Variants in HSPH1 observed in about 807,000 individuals in gnomAD.
The protein encoded by HSPH1 is heat shock protein family H (Hsp110) member 1, also known as heat shock protein 105 kDa.
A neutral mutation model predicts 100.0 loss-of-function variants in HSPH1; 40 were observed. That is an observed-to-expected ratio of 0.40 (90% CI 0.31 to 0.52). The LOEUF is 0.52. Among genes scored for constraint, HSPH1 ranks in the 20% least tolerant of loss-of-function variants. The probability of loss-of-function intolerance (pLI) is 0.54; values close to 1 mark genes in which losing one functional copy is unlikely to be tolerated. For synonymous variants in HSPH1, 403 were observed against 344.0 expected (o/e 1.17, Z -1.90); for missense variants, 876 against 1,015.1 (o/e 0.86, Z 1.86).
At position 31,154,693 on chromosome 13, in the gene HSPH1, A is replaced by G; in HGVS notation, c.369T>C (p.Thr123=). ...TGTTTTCAGCAGTTTCCTTCAGCTTAGTCAACAACATGGCTGTTATCTGCT... is the reference window on the plus strand; with the variant it reads ...TGTTTTCAGCAGTTTCCTTCAGCTTGGTCAACAACATGGCTGTTATCTGCT... The part of the protein sequence containing the change: ...SVEQITAMLL[T]KLKETAENSL... Residue 123 remains threonine (T), a synonymous_variant, in exon 4 of 18, where the codon ACT becomes ACC. Coordinates refer to ENST00000320027, the MANE Select transcript of HSPH1 (RefSeq NM_006644.4). 6.2e-7 allele frequency: 1 copy of G among 1,613,886 alleles called. No individual in the cohort carries two copies. Among genetic ancestry groups the G allele is most frequent in the Non-Finnish European group, 8.5e-7 (1 of 1,179,744 alleles).
In HSPH1 at chr13:31,150,734, C is replaced by A. The variant is rs561899321; in HGVS notation, c.908+213G>T. ...AAGACTTGAGGGTAGTACTTAGACC[C>A]ATGAGAGTACTTAGCAAAGGTATTT... On this transcript the variant is annotated intron_variant, in intron 7 of 17. Transcript: ENST00000320027. Among the ~76,000 whole-genome samples, 5 of 152,274 alleles carry A rather than the reference C, an allele frequency of 3.3e-5. No individual in the cohort carries two copies. The South Asian group carries it at 1.0e-3, about 32-fold the overall frequency.
chr13:31,140,263 G>T lies in HSPH1; in HGVS notation c.1901C>A (p.Ala634Asp). ...QDKLEKERND[A>D]KNAVEEYVYE... ...CACATATTCCTCAACTGCATTTTTA[G>T]CATCATTCCTTTCTTTTTCCAATTT... is the stretch of plus-strand genomic sequence containing the variant. The change falls in exon 14 of 18, where the codon GCT becomes GAT. Residue 634 changes from alanine to aspartate, a missense_variant. By Grantham distance (126) the Ala-to-Asp change is moderately radical. Coordinates refer to ENST00000320027, the MANE Select transcript of HSPH1 (RefSeq NM_006644.4). 6.2e-7 allele frequency: 1 copy of T among 1,610,846 alleles called. No individual in the cohort carries two copies. Among genetic ancestry groups the T allele is most frequent in the Non-Finnish European group, 8.5e-7 (1 of 1,178,160 alleles).
At chr13:31,152,748 C>CTT (rs1188404919) in intron 5 of HSPH1, 104 bp downstream of exon 5, 1 of 776,860 alleles carries the variant, frequency 1.3e-6, no homozygotes, top group African/African-American at 1.8e-5. Flanking sequence ...TCTGACTTGA[C>CTT]TTTTTAACAG....
intron 12 of HSPH1, among the ~76,000 whole-genome samples, chr13:31,142,741 A>T (rs1956140556): frequency 6.6e-6 from 1 of 152,120 alleles, no homozygotes; most frequent in Non-Finnish European, 1.5e-5. Context: ...ACAACTAAGG[A>T]GCATGAATGA....
At position 31,154,588 on chromosome 13, in the gene HSPH1, C is replaced by T. The variant is rs376512156; in HGVS notation, c.429+45G>A. ...TCATACTTAAAAGTAATACAAAGAA[C>T]GCAAAAATGAAATAAAACACACTGC... is the stretch of plus-strand genomic sequence containing the variant. On this transcript the variant is annotated intron_variant, in intron 4 of 17. Coordinates refer to ENST00000320027, the MANE Select transcript of HSPH1 (RefSeq NM_006644.4). The T allele has an allele frequency of 4.2e-5, 67 of 1,609,858 alleles. 1 individual carries two copies. Among genetic ancestry groups the T allele is most frequent in the South Asian group, 1.1e-4 (10 of 91,004 alleles).
chr13:31,138,988 A>G lies in HSPH1; in HGVS notation c.2088+12T>C. The G allele has an allele frequency of 6.2e-7, 1 of 1,602,874 alleles. No individual in the cohort carries two copies. Among genetic ancestry groups the G allele is most frequent in the Non-Finnish European group, 8.5e-7 (1 of 1,170,402 alleles). ...ACACAAGTACCACCTTTTGGGGGAGAAAACGACCTACCATTAATTCTTCCA... is the reference window on the plus strand; with the variant it reads ...ACACAAGTACCACCTTTTGGGGGAGGAAACGACCTACCATTAATTCTTCCA... On this transcript the variant is annotated intron_variant, in intron 15 of 17. Transcript: ENST00000320027.
At chr13:31,139,613 G>A (rs1352837692) in intron 14 of HSPH1, among the ~76,000 whole-genome samples, 3 of 152,070 alleles carry the variant, frequency 2.0e-5, no homozygotes, top group Admixed American at 6.6e-5. Context: ...AGAGACCTTA[G>A]AACTATTAAT....
intron 10 of HSPH1, among the ~76,000 whole-genome samples, chr13:31,146,810 G>T (rs1289896956): frequency 2.0e-5 from 3 of 152,180 alleles, no homozygotes; most frequent in Non-Finnish European, 4.4e-5. Context: ...ATAGCCACAA[G>T]TAAGTACTGT....
In HSPH1 at chr13:31,136,812, C is replaced by A. The variant is rs1328210603; in HGVS notation, c.*506G>T. ...ACATTTGACTAGCTTTTGTTTTACT[C>A]ATTGAATTTTTAATATCAAAGCAAA... On this transcript the variant is annotated 3_prime_UTR_variant, in exon 18 of 18. Transcript: ENST00000320027. The A allele has an allele frequency of 5.2e-6, 1 of 192,128 alleles. No individual in the cohort carries two copies. Among genetic ancestry groups the A allele is most frequent in the Non-Finnish European group, 1.1e-5 (1 of 91,480 alleles). The allele number at this position is 192,128 out of a possible 1,614,324, so 11.9% of individuals were successfully genotyped here. A position where few individuals can be genotyped will look rare whatever the true frequency, so the allele number is the denominator to read the frequency against.
chr13:31,154,401 T>C (rs965391183), intron 4 of HSPH1: 5 of 564,594 alleles, frequency 8.9e-6, no homozygotes, highest in Non-Finnish European at 1.3e-5. Flanking sequence ...AAAATCTGTA[T>C]TTTCAAAAAG....
intron 12 of HSPH1, among the ~76,000 whole-genome samples, chr13:31,141,828 ACATT>A (rs1956107217): frequency 6.6e-6 from 1 of 151,672 alleles, no homozygotes; most frequent in Admixed American, 6.6e-5. Flanking sequence ...ACACACACAC[ACATT>A]ATTACTATCC....
intron 1 of HSPH1, among the ~76,000 whole-genome samples, chr13:31,161,061 C>T (rs1956885369): frequency 6.6e-6 from 1 of 152,190 alleles, no homozygotes; most frequent in African/African-American, 2.4e-5. Flanking sequence ...AAGCTGGAGG[C>T]GGCTCAGCCA....
intron 12 of HSPH1, among the ~76,000 whole-genome samples, chr13:31,141,721 C>T (rs1319308929): frequency 2.6e-5 from 4 of 151,822 alleles, no homozygotes; most frequent in South Asian, 4.1e-4. Flanking sequence ...TTAATTACAA[C>T]TAGCACTATG....
rs113419153 is a variant in HSPH1, at chr13:31,149,710, T to A, written c.1137+244A>T. The stretch of plus-strand genomic sequence containing the variant: ...TGTTTCAGCTGTGTTTTCTGTGATA[T>A]CCTCAGAATCATGCCTGTTTTTGAT... On this transcript the variant is annotated intron_variant, in intron 8 of 17. Coordinates refer to ENST00000320027, the MANE Select transcript of HSPH1 (RefSeq NM_006644.4). Among the ~76,000 whole-genome samples, 174 of 152,202 alleles carry A rather than the reference T, an allele frequency of 1.1e-3. 1 individual carries two copies. The highest frequency in any genetic ancestry group is 2.1e-3 in the Non-Finnish European group (145 of 68,024).
intron 1 of HSPH1, among the ~76,000 whole-genome samples, 172 bp downstream of exon 1, chr13:31,161,303 GC>G (rs965446679): frequency 1.3e-5 from 2 of 152,150 alleles, no homozygotes; most frequent in Non-Finnish European, 2.9e-5. Flanking sequence ...GTGATGGCAA[GC>G]CCCCCATCCC....
intron 10 of HSPH1, among the ~76,000 whole-genome samples, chr13:31,146,823 C>T (rs560230278): frequency 4.9e-4 from 75 of 152,270 alleles, no homozygotes; most frequent in African/African-American, 1.6e-3. Flanking sequence ...AGTACTGTTA[C>T]TCCAGAGACC....
At chr13:31,141,795 C>CATACAT (rs1956101018) in intron 12 of HSPH1, among the ~76,000 whole-genome samples, 1 of 69,970 alleles carries the variant, frequency 1.4e-5, no homozygotes, top group Admixed American at 1.5e-4. Context: ...ACTCCATACA[C>CATACAT]ATACATACAC....
At chr13:31,152,793 C>T (rs1956534478) in intron 5 of HSPH1, 59 bp downstream of exon 5, 1 of 1,160,840 alleles carries the variant, frequency 8.6e-7, no homozygotes, top group Admixed American at 1.7e-5. Context: ...AGTAATAGCA[C>T]TGAGAACATC....
intron 10 of HSPH1, among the ~76,000 whole-genome samples, chr13:31,147,456 T>C (rs1270419691): frequency 6.6e-6 from 1 of 151,928 alleles, no homozygotes; most frequent in Admixed American, 6.6e-5. Context: ...TGGGTAAAAG[T>C]AGATGGATGG....
Sources: gnomAD v4.1 joint callset for allele counts (sites outside exome capture counted in the v4.1 genomes callset) on GRCh38, gnomAD v4.1.1 for gene constraint, MANE v1.5 for transcripts, NCBI Gene and HGNC (gene_info 2026-07-23, HGNC 2026-07-21) for gene names.